Variants in DIS3L2 observed in about 807,000 individuals in gnomAD.
The protein encoded by DIS3L2 is DIS3 like 3'-5' exoribonuclease 2.
A neutral mutation model predicts 97.5 loss-of-function variants in DIS3L2; 34 were observed. The ratio of observed to expected loss-of-function variants is 0.35; its 90% confidence interval spans 0.27 to 0.46. The LOEUF (loss-of-function observed/expected upper bound fraction) is 0.46. Among genes scored for constraint, DIS3L2 ranks in the 20% least tolerant of loss-of-function variants. DIS3L2 has a pLI of 1.00. For missense variants in DIS3L2, 1,038 were observed against 1,146.0 expected (o/e 0.91, Z 1.36); for synonymous variants, 435 against 445.2 (o/e 0.98, Z 0.29).
intron 6 of DIS3L2, among the ~76,000 whole-genome samples, chr2:232,098,669 T>C (rs2106321239): frequency 6.6e-6 from 1 of 152,298 alleles, no homozygotes; most frequent in African/African-American, 2.4e-5. Flanking sequence ...TTCTAATTTT[T>C]GTAATATAGA....
At chr2:232,105,465 C>A (rs1167516203) in intron 6 of DIS3L2, among the ~76,000 whole-genome samples, 2 of 152,112 alleles carry the variant, frequency 1.3e-5, no homozygotes, top group African/African-American at 4.8e-5. Context: ...ATAACTGGAG[C>A]TTGCCCAGCT....
intron 1 of DIS3L2, among the ~76,000 whole-genome samples, chr2:231,994,809 C>CT (rs1277561466): frequency 6.9e-6 from 1 of 144,664 alleles, no homozygotes; most frequent in African/African-American, 2.6e-5. Context: ...TTCTTTCATT[C>CT]TTTTTCTTTT....
chr2:232,078,078 C>T (rs1410293860), intron 5 of DIS3L2, among the ~76,000 whole-genome samples: 6 of 143,092 alleles, frequency 4.2e-5, no homozygotes. Flanking sequence ...GAGTCTAGCT[C>T]TGTCACCCAG....
At chr2:232,094,560 A>G (rs1696946299) in intron 6 of DIS3L2, among the ~76,000 whole-genome samples, 1 of 152,018 alleles carries the variant, frequency 6.6e-6, no homozygotes, top group Non-Finnish European at 1.5e-5. Flanking sequence ...TCTTCTAAAA[A>G]TAGAAAAATT....
chr2:232,148,929 T>C (rs1460649162), intron 8 of DIS3L2, among the ~76,000 whole-genome samples: 1 of 148,126 alleles, frequency 6.8e-6, no homozygotes, highest in African/African-American at 2.5e-5. Context: ...CATTTACTGA[T>C]TGAAGCAGCC....
chr2:232,335,838 G>C lies in DIS3L2; in HGVS notation c.2460G>C (p.Trp820Cys). 1 of 1,550,880 alleles carries C rather than the reference G, an allele frequency of 6.4e-7. No homozygotes were observed. The highest frequency in any genetic ancestry group is 8.7e-7 in the Non-Finnish European group (1 of 1,147,052). The change falls in exon 20 of 21, where the codon TGG (tryptophan) becomes TGC (cysteine). Residue 820 changes from tryptophan (W) to cysteine (C), a missense_variant. This residue lies in a region of DIS3L2 where 221 missense variants were observed against 246.9 expected (regional missense o/e 0.90). Transcript: ENST00000325385. Reference protein sequence around the residue: ...VGKKPELTLVWEPEDMEQEPA... With the variant: ...VGKKPELTLVCEPEDMEQEPA... ...AGAAGCCGGAACTCACGCTGGTCTGGGAGCCTGAGGACATGGAGCAGGAGC... is the reference window on the plus strand; with the variant it reads ...AGAAGCCGGAACTCACGCTGGTCTGCGAGCCTGAGGACATGGAGCAGGAGC...
chr2:232,298,931 T>G (rs1456545665), intron 13 of DIS3L2, among the ~76,000 whole-genome samples: 1 of 152,182 alleles, frequency 6.6e-6, no homozygotes, highest in African/African-American at 2.4e-5. Flanking sequence ...TTCCCAGAGT[T>G]CCTGTTCCTG....
At chr2:232,182,032 G>A (rs1415188145) in intron 9 of DIS3L2, among the ~76,000 whole-genome samples, 1 of 152,098 alleles carries the variant, frequency 6.6e-6, no homozygotes, top group Non-Finnish European at 1.5e-5. Flanking sequence ...CTGGATTACA[G>A]GCATTAGCCA....
intron 4 of DIS3L2, among the ~76,000 whole-genome samples, chr2:232,028,094 A>G (rs1694709207): frequency 6.6e-6 from 1 of 152,264 alleles, no homozygotes; most frequent in South Asian, 2.1e-4. Flanking sequence ...TCCATCAATG[A>G]AGGATGCTGT....
chr2:232,249,211 T>C, intron 11 of DIS3L2, 28 bp from the exon 12 acceptor site: 2 of 1,610,242 alleles, frequency 1.2e-6, no homozygotes, highest in East Asian at 2.2e-5. Context: ...TGGAGAAAGG[T>C]GCTCATGGGC....
chr2:232,200,063 G>A (rs1484174601), intron 9 of DIS3L2, among the ~76,000 whole-genome samples: 1 of 152,166 alleles, frequency 6.6e-6, no homozygotes, highest in Non-Finnish European at 1.5e-5. Context: ...TAATAGGTTT[G>A]TTGTTGTGAG....
intron 12 of DIS3L2, 67 bp downstream of exon 12, chr2:232,249,413 C>A (rs939577337): frequency 4.0e-6 from 6 of 1,503,144 alleles, no homozygotes; most frequent in Non-Finnish European, 5.5e-6. Context: ...GAAGCACTCA[C>A]CATGTGCCTG....
intron 5 of DIS3L2, among the ~76,000 whole-genome samples, chr2:232,053,222 A>G (rs1259933297): frequency 6.6e-6 from 1 of 152,236 alleles, no homozygotes; most frequent in Non-Finnish European, 1.5e-5. Context: ...TCTAAACTTC[A>G]TTTTCAAGGT....
chr2:232,202,870 G>T (rs949756156), intron 9 of DIS3L2, among the ~76,000 whole-genome samples: 3 of 152,192 alleles, frequency 2.0e-5, no homozygotes, highest in African/African-American at 7.2e-5. Context: ...TATGATATTG[G>T]CAACTACCGT....
intron 1 of DIS3L2, among the ~76,000 whole-genome samples, chr2:232,012,814 G>C (rs1694245011): frequency 6.6e-6 from 1 of 152,156 alleles, no homozygotes; most frequent in Admixed American, 6.5e-5. Context: ...AGGGAATGTT[G>C]CTTGTTCGTT....
At chr2:232,206,713 A>G (rs1263652994) in intron 9 of DIS3L2, among the ~76,000 whole-genome samples, 1 of 152,158 alleles carries the variant, frequency 6.6e-6, no homozygotes. Context: ...ACTGTTTGTC[A>G]GGTTCCATTT....
intron 6 of DIS3L2, among the ~76,000 whole-genome samples, chr2:232,090,101 G>T (rs796495960): frequency 7.2e-5 from 11 of 151,990 alleles, no homozygotes; most frequent in African/African-American, 2.2e-4. Context: ...GATAATTTTT[G>T]TTGTTGTTGT....
chr2:232,058,277 G>GT (rs1324547673), intron 5 of DIS3L2, among the ~76,000 whole-genome samples: 2 of 152,180 alleles, frequency 1.3e-5, no homozygotes, highest in African/African-American at 4.8e-5. Flanking sequence ...TGTGCCTCAA[G>GT]TTAAGTATTG....
intron 9 of DIS3L2, among the ~76,000 whole-genome samples, chr2:232,182,522 A>C (rs1691319257): frequency 6.6e-6 from 1 of 151,970 alleles, no homozygotes; most frequent in Non-Finnish European, 1.5e-5. Context: ...TTGTGTATTG[A>C]TATATATTAC....
Sources: gnomAD v4.1 joint callset for allele counts (sites outside exome capture counted in the v4.1 genomes callset) on GRCh38, gnomAD v4.1.1 for gene constraint, gnomAD v4.1.1 regional missense constraint, MANE v1.5 for transcripts, NCBI Gene and HGNC (gene_info 2026-07-23, HGNC 2026-07-21) for gene names.